The following FAAH2 variants were observed in gnomAD, a reference collection of about 807,000 sequenced individuals.
The protein encoded by FAAH2 is fatty acid amide hydrolase 2, also known as fatty-acid amide hydrolase 2.
A neutral mutation model predicts 36.9 loss-of-function variants in FAAH2; 60 were observed. The observed-to-expected ratio is 1.63, with a 90% CI of 1.32 to 2.02. The LOEUF (loss-of-function observed/expected upper bound fraction) is 2.02, where lower values mean the gene tolerates loss of function less well. Ranked by LOEUF, FAAH2 falls within the 30% of genes most tolerant of loss-of-function variation. The pLI is 0.00. For synonymous variants in FAAH2, 214 were observed against 143.8 expected (o/e 1.49, Z -3.49); for missense variants, 689 against 397.5 (o/e 1.73, Z -6.23).
chrX:57,190,623 T>C, the FAAH2 span, among the ~76,000 whole-genome samples: 1 of 110,225 alleles, frequency 9.1e-6, no homozygotes, highest in Non-Finnish European at 1.9e-5. Context: ...CAGTTCCTCA[T>C]GGCTTCCTTT....
At chrX:57,361,713 C>G (rs189516963) in intron 5 of FAAH2, among the ~76,000 whole-genome samples, 5 of 111,137 alleles carry the variant, frequency 4.5e-5, no homozygotes, top group African/African-American at 6.5e-5. Context: ...TATGTGTTCT[C>G]TCTTGGAGAA....
chrX:57,257,331 G>A, the FAAH2 span, among the ~76,000 whole-genome samples: 2 of 112,026 alleles, frequency 1.8e-5, no homozygotes, highest in South Asian at 7.4e-4. Flanking sequence ...AGAAAATGTG[G>A]CACATGTACA....
rs1309413189 is a variant in FAAH2, at chrX:57,292,533, C to T, written c.228C>T (p.Asn76=). 8.3e-7 allele frequency: 1 copy of T among 1,210,000 alleles called. No homozygotes were observed. Among genetic ancestry groups the T allele is most frequent in the Admixed American group, 2.2e-5 (1 of 45,939 alleles). The part of the protein sequence containing the change: ...KCIDVVQAYI[N]RIKDVNPMIN... Reference sequence around the variant, plus strand: ...TAGATGTTGTTCAGGCTTATATCAACAGAATCAAGGACGTGAACCCAATGA... The same window carrying T: ...TAGATGTTGTTCAGGCTTATATCAATAGAATCAAGGACGTGAACCCAATGA... Residue 76 remains asparagine, a synonymous_variant, in exon 2 of 11, where the codon AAC becomes AAT. Coordinates refer to ENST00000374900, the MANE Select transcript of FAAH2 (RefSeq NM_174912.4).
At chrX:57,211,428 C>A in the FAAH2 span, among the ~76,000 whole-genome samples, 1 of 111,626 alleles carries the variant, frequency 9.0e-6, no homozygotes, top group Non-Finnish European at 1.9e-5. Flanking sequence ...CCTTGCCTAG[C>A]CCCACCCAGC....
chrX:57,369,404 G>A (rs895617172), intron 5 of FAAH2, among the ~76,000 whole-genome samples: 1 of 111,029 alleles, frequency 9.0e-6, no homozygotes, highest in African/African-American at 3.3e-5. Flanking sequence ...TCAACCCAAA[G>A]AGGTCATCTC....
chrX:57,440,556 A>T (rs1451684339), intron 8 of FAAH2, among the ~76,000 whole-genome samples: 5 of 111,427 alleles, frequency 4.5e-5, no homozygotes, highest in African/African-American at 1.6e-4. Context: ...AACAGGGACA[A>T]TTTGACTTCC....
chrX:57,219,277 G>A, the FAAH2 span, among the ~76,000 whole-genome samples: 14 of 111,411 alleles, frequency 1.3e-4, no homozygotes, highest in African/African-American at 4.2e-4. Flanking sequence ...ACTGCCTCGT[G>A]TTGTCTGTTG....
At chrX:57,205,905 A>G in the FAAH2 span, among the ~76,000 whole-genome samples, 1 of 111,785 alleles carries the variant, frequency 8.9e-6, no homozygotes, top group African/African-American at 3.3e-5. Context: ...ATATCCATGT[A>G]ATTTAACAAT....
chrX:57,240,042 G>T, the FAAH2 span, among the ~76,000 whole-genome samples: 1 of 111,925 alleles, frequency 8.9e-6, no homozygotes, highest in African/African-American at 3.2e-5. Context: ...CAGCCATTTT[G>T]GTCTGGTTAA....
At chrX:57,193,485 G>A in the FAAH2 span, among the ~76,000 whole-genome samples, 1 of 111,771 alleles carries the variant, frequency 8.9e-6, no homozygotes, top group East Asian at 2.8e-4. Flanking sequence ...TGTGAAGCAT[G>A]TGATCTCTGT....
intron 2 of FAAH2, among the ~76,000 whole-genome samples, chrX:57,296,052 C>A (rs1051209515): frequency 3.6e-5 from 4 of 112,383 alleles, no homozygotes; most frequent in Non-Finnish European, 3.8e-5. Flanking sequence ...CAAAAGACAG[C>A]AATAACCTCT....
intron 3 of FAAH2, among the ~76,000 whole-genome samples, chrX:57,326,516 G>C (rs1437913568): frequency 3.7e-5 from 4 of 108,592 alleles, no homozygotes; most frequent in Non-Finnish European, 7.7e-5. Flanking sequence ...TATGAATCTG[G>C]GTGCTCCTGT....
At chrX:57,287,779 G>T (rs942902039) in intron 1 of FAAH2, among the ~76,000 whole-genome samples, 3 of 111,475 alleles carry the variant, frequency 2.7e-5, no homozygotes, top group Non-Finnish European at 5.6e-5. Flanking sequence ...TACTCTGCTT[G>T]TTTTCACCTC....
At chrX:57,485,530 C>T (rs1027757897) in intron 10 of FAAH2, among the ~76,000 whole-genome samples, 3 of 112,103 alleles carry the variant, frequency 2.7e-5, no homozygotes, top group Non-Finnish European at 5.6e-5. Flanking sequence ...TTCCCATTTC[C>T]TCCCTAGCCC....
intron 5 of FAAH2, among the ~76,000 whole-genome samples, chrX:57,341,877 C>A (rs1016096960): frequency 1.8e-5 from 2 of 111,077 alleles, no homozygotes; most frequent in African/African-American, 6.6e-5. Flanking sequence ...CACCTAGAAA[C>A]TCCAGTTATT....
chrX:57,453,215 C>T (rs2056814281), intron 10 of FAAH2, among the ~76,000 whole-genome samples: 1 of 112,388 alleles, frequency 8.9e-6, no homozygotes. Flanking sequence ...GTGATACTAA[C>T]AAAATTCACA....
intron 10 of FAAH2, among the ~76,000 whole-genome samples, chrX:57,483,993 C>G (rs191508167): frequency 9.2e-6 from 1 of 109,013 alleles, no homozygotes; most frequent in Non-Finnish European, 1.9e-5. Flanking sequence ...TTAGTAGAGA[C>G]GGGATTTCTC....
chrX:57,393,568 T>C, intron 7 of FAAH2: 2 of 940,041 alleles, frequency 2.1e-6, no homozygotes, highest in Non-Finnish European at 3.1e-6. Context: ...TGCCCTCCAA[T>C]CTCTGCATGA....
chrX:57,311,600 G>A (rs2052696276), intron 3 of FAAH2, among the ~76,000 whole-genome samples: 1 of 111,873 alleles, frequency 8.9e-6, no homozygotes, highest in African/African-American at 3.2e-5. Flanking sequence ...TTCCTCCGAG[G>A]AGGTGCAGGC....
Sources: gnomAD v4.1 joint callset for allele counts (sites outside exome capture counted in the v4.1 genomes callset) on GRCh38, gnomAD v4.1.1 for gene constraint, MANE v1.5 for transcripts, NCBI Gene and HGNC (gene_info 2026-07-23, HGNC 2026-07-21) for gene names.